Variants in ARHGAP10 observed in about 807,000 individuals in gnomAD.
ARHGAP10 encodes Rho GTPase activating protein 10.
ARHGAP10 carries 87 observed loss-of-function variants against 108.6 expected under a neutral mutation model. The observed-to-expected ratio is 0.80, with a 90% CI of 0.67 to 0.96. ARHGAP10 has a LOEUF of 0.96. Ranked by LOEUF, ARHGAP10 falls within the 40% of genes least tolerant of loss-of-function variation. The pLI is 0.00. For missense variants in ARHGAP10, 939 were observed against 954.5 expected, an observed-to-expected ratio of 0.98 and a Z score of 0.21; for synonymous variants, 347 against 341.1, an observed-to-expected ratio of 1.02 and a Z score of -0.19.
intron 3 of ARHGAP10, among the ~76,000 whole-genome samples, chr4:147,831,604 G>T (rs1400492600): frequency 6.6e-6 from 1 of 152,172 alleles, no homozygotes; most frequent in Non-Finnish European, 1.5e-5. Flanking sequence ...TTTAAAAGTT[G>T]TCAGTGACCT....
chr4:147,838,190 G>A (rs544632722), intron 3 of ARHGAP10, among the ~76,000 whole-genome samples: 2 of 152,110 alleles, frequency 1.3e-5, no homozygotes, highest in Non-Finnish European at 2.9e-5. Flanking sequence ...GAGCATTGAT[G>A]GCCACATCTG....
chr4:147,822,987 T>G lies in ARHGAP10; in HGVS notation c.312+30T>G, dbSNP rs750051357. ...GTTGAGAGGGGTGTAAATTAATAAG[T>G]CAGCTTTCAAGGGGGAAAAAAATCT... On this transcript the variant is annotated intron_variant, in intron 3 of 22. Coordinates refer to ENST00000336498, the MANE Select transcript of ARHGAP10 (RefSeq NM_024605.4). 1.0e-5 allele frequency: 16 copies of G among 1,593,402 alleles called. No individual in the cohort carries two copies. The East Asian group carries it at 2.7e-4, about 27-fold the overall frequency.
intron 18 of ARHGAP10, among the ~76,000 whole-genome samples, chr4:147,971,789 T>C (rs1248719355): frequency 2.8e-4 from 42 of 152,182 alleles, no homozygotes; most frequent in Non-Finnish European, 1.5e-5. Flanking sequence ...AGTTTTCAAG[T>C]AAACTGCTTC....
At chr4:147,765,091 G>T (rs529458212) in intron 1 of ARHGAP10, among the ~76,000 whole-genome samples, 16 of 152,248 alleles carry the variant, frequency 1.1e-4, no homozygotes, top group African/African-American at 3.9e-4. Context: ...TTAATTTTTA[G>T]AATAGACTGT....
In ARHGAP10 at chr4:147,732,180, G is replaced by A; in HGVS notation, c.-122G>A. On this transcript the variant is annotated 5_prime_UTR_variant, in exon 1 of 23. Transcript: ENST00000336498. The stretch of plus-strand genomic sequence containing the variant: ...CATGTCCGTGCCGCGCTCGCCGCGC[G>A]CCCGGGCCTGCTAGCTCCTCTGTGC... 1.0e-6 allele frequency: 1 copy of A among 1,000,352 alleles called. No homozygotes were observed. Among genetic ancestry groups the A allele is most frequent in the Non-Finnish European group, 1.3e-6 (1 of 751,828 alleles). The allele number at this position is 1,000,352 out of a possible 1,614,324, so 62.0% of individuals were successfully genotyped here.
At position 147,857,534 on chromosome 4, in the gene ARHGAP10, G is replaced by T. The variant is rs768016484; in HGVS notation, c.385-19G>T. On this transcript the variant is annotated intron_variant, in intron 4 of 22. Coordinates refer to ENST00000336498, the MANE Select transcript of ARHGAP10 (RefSeq NM_024605.4). Reference sequence around the variant, plus strand: ...ATCCTTTTGTTTCTGTTTAATCATAGTTTTTTTTTTATTTGTAGGAAGAAA... The same window carrying T: ...ATCCTTTTGTTTCTGTTTAATCATATTTTTTTTTTTATTTGTAGGAAGAAA... 2.4e-5 allele frequency: 28 copies of T among 1,160,086 alleles called. No individual in the cohort carries two copies. The highest frequency in any genetic ancestry group is 4.5e-4 in the Middle Eastern group (2 of 4,456). The allele number at this position is 1,160,086 out of a possible 1,614,324, so 71.9% of individuals were successfully genotyped here.
intron 4 of ARHGAP10, among the ~76,000 whole-genome samples, chr4:147,856,484 C>A (rs552298842): frequency 6.6e-6 from 1 of 152,202 alleles, no homozygotes; most frequent in Non-Finnish European, 1.5e-5. Flanking sequence ...TGAAATGACA[C>A]TACAAGTGGA....
chr4:148,032,344 C>G (rs770290362), intron 19 of ARHGAP10, among the ~76,000 whole-genome samples: 2,755 of 66,822 alleles, frequency 0.041, 245 homozygotes, highest in Non-Finnish European at 0.068. Flanking sequence ...CCCCCCCCCC[C>G]CCATATTGTA....
At chr4:147,971,392 C>A (rs1348689851) in intron 18 of ARHGAP10, among the ~76,000 whole-genome samples, 1 of 151,922 alleles carries the variant, frequency 6.6e-6, no homozygotes, top group African/African-American at 2.4e-5. Context: ...GAAGAAATGT[C>A]CAAAAGTAGC....
At chr4:147,733,487 G>A (rs1201482438) in intron 1 of ARHGAP10, among the ~76,000 whole-genome samples, 1 of 152,048 alleles carries the variant, frequency 6.6e-6, no homozygotes, top group African/African-American at 2.4e-5. Flanking sequence ...TGAGGGGCTG[G>A]GTTCTTAGGG....
intron 18 of ARHGAP10, among the ~76,000 whole-genome samples, chr4:148,020,762 C>T (rs535015252): frequency 3.8e-4 from 58 of 152,216 alleles, no homozygotes; most frequent in South Asian, 4.1e-4. Flanking sequence ...CATACTCGTG[C>T]GTGTATCTTT....
intron 1 of ARHGAP10, among the ~76,000 whole-genome samples, chr4:147,810,189 A>G (rs955805471): frequency 2.6e-5 from 4 of 152,174 alleles, no homozygotes; most frequent in African/African-American, 9.6e-5. Context: ...GAGATCATTT[A>G]CCCTTGCTCC....
At chr4:148,046,508 T>C (rs1227464473) in intron 19 of ARHGAP10, among the ~76,000 whole-genome samples, 1 of 152,182 alleles carries the variant, frequency 6.6e-6, no homozygotes, top group Non-Finnish European at 1.5e-5. Flanking sequence ...AAAGAACCAA[T>C]AGGTGACCAG....
chr4:148,012,603 A>T (rs923931947), intron 18 of ARHGAP10, among the ~76,000 whole-genome samples: 1 of 152,208 alleles, frequency 6.6e-6, no homozygotes, highest in Non-Finnish European at 1.5e-5. Context: ...GGTAAGATCT[A>T]CCTGTGTCCT....
Position 147,829,751 on chromosome 4 carries a change from G to A in ARHGAP10, c.312+6794G>A, listed in dbSNP as rs975611323. On this transcript the variant is annotated intron_variant, in intron 3 of 22. Transcript: ENST00000336498. ...CAGGAATCTAAGGACTTTTAAAATA[G>A]TGCTGTAGTGTTTATGTTGTTCTTT... Among the ~76,000 whole-genome samples, 3 of 152,214 alleles carry A rather than the reference G, an allele frequency of 2.0e-5. No individual in the cohort carries two copies. The South Asian group carries it at 6.2e-4, about 32-fold the overall frequency.
At chr4:147,965,831 A>G (rs1029852580) in intron 17 of ARHGAP10, among the ~76,000 whole-genome samples, 13 of 152,240 alleles carry the variant, frequency 8.5e-5, no homozygotes, top group Admixed American at 7.2e-4. Context: ...CATGAAGCTT[A>G]CTTTCTAAGG....
intron 19 of ARHGAP10, 113 bp downstream of exon 19, chr4:148,023,526 T>G (rs1190367667): frequency 8.4e-7 from 1 of 1,190,688 alleles, no homozygotes. Context: ...TCTTCTTCCC[T>G]TAAGATTATA....
chr4:147,775,704 G>C (rs2126723563), intron 1 of ARHGAP10, among the ~76,000 whole-genome samples: 1 of 152,176 alleles, frequency 6.6e-6, no homozygotes, highest in South Asian at 2.1e-4. Flanking sequence ...AATAAATAAT[G>C]CACACTGAGT....
intron 1 of ARHGAP10, among the ~76,000 whole-genome samples, chr4:147,810,870 A>G (rs952781926): frequency 6.6e-6 from 1 of 152,188 alleles, no homozygotes; most frequent in African/African-American, 2.4e-5. Context: ...AACAAATACT[A>G]ATTGAGCATC....
Sources: gnomAD v4.1 joint callset for allele counts (sites outside exome capture counted in the v4.1 genomes callset) on GRCh38, gnomAD v4.1.1 for gene constraint, MANE v1.5 for transcripts, NCBI Gene and HGNC (gene_info 2026-07-23, HGNC 2026-07-21) for gene names.